Variants in NELL1 observed in about 807,000 individuals in gnomAD.
NELL1 encodes neural EGFL like 1, also known as protein kinase C-binding protein NELL1.
A neutral mutation model predicts 107.4 loss-of-function variants in NELL1; 76 were observed. The ratio of observed to expected loss-of-function variants is 0.71; its 90% CI spans 0.59 to 0.86. The LOEUF is 0.86. Among genes scored for constraint, NELL1 ranks in the 40% least tolerant of loss-of-function variants. The pLI is 0.00. For missense variants in NELL1, 1,024 were observed against 1,005.5 expected (o/e 1.02, Z -0.25); for synonymous variants, 353 against 341.2 (o/e 1.03, Z -0.38).
At chr11:21,066,300 C>T (rs535011953) in intron 12 of NELL1, among the ~76,000 whole-genome samples, 76 of 152,290 alleles carry the variant, frequency 5.0e-4, no homozygotes, top group Non-Finnish European at 8.8e-4. Flanking sequence ...GCCTTCCTCA[C>T]GTGATCATCT....
Position 21,372,312 on chromosome 11 carries a change from G to A in NELL1, c.1645+1364G>A, listed in dbSNP as rs1326028468. 2.0e-5 allele frequency among the ~76,000 whole-genome samples: 3 copies of A among 151,648 alleles called. No homozygotes were observed. The East Asian group carries it at 5.8e-4, about 30-fold the overall frequency. ...AAACAAAAACTAAAAGATTCTTACTGCTTCCTGTAGAACTGCTGTATTTCC... is the reference window on the plus strand; with the variant it reads ...AAACAAAAACTAAAAGATTCTTACTACTTCCTGTAGAACTGCTGTATTTCC... On this transcript the variant is annotated intron_variant, in intron 15 of 19. Coordinates refer to ENST00000357134, the MANE Select transcript of NELL1 (RefSeq NM_006157.5).
chr11:20,679,353 G>A (rs1443059344), intron 2 of NELL1, among the ~76,000 whole-genome samples: 1 of 152,112 alleles, frequency 6.6e-6, no homozygotes, highest in African/African-American at 2.4e-5. Context: ...TGTCTGGCAG[G>A]GTTCTTTTAA....
At chr11:21,418,378 T>C (rs1193456178) in intron 15 of NELL1, among the ~76,000 whole-genome samples, 4 of 152,236 alleles carry the variant, frequency 2.6e-5, no homozygotes, top group African/African-American at 9.6e-5. Context: ...TATCTACTGA[T>C]TTGCCTTAGT....
At chr11:21,369,942 T>A (rs542275892) in intron 14 of NELL1, among the ~76,000 whole-genome samples, 1 of 152,256 alleles carries the variant, frequency 6.6e-6, no homozygotes, top group South Asian at 2.1e-4. Flanking sequence ...GCATCTGCTA[T>A]GTGAATACAT....
chr11:21,488,689 T>C (rs950340294), intron 15 of NELL1, among the ~76,000 whole-genome samples: 1 of 152,104 alleles, frequency 6.6e-6, no homozygotes, highest in Non-Finnish European at 1.5e-5. Context: ...TAAACAACCA[T>C]TGGGTCAATG....
intron 4 of NELL1, among the ~76,000 whole-genome samples, chr11:20,858,474 C>G (rs1848921472): frequency 6.6e-6 from 1 of 152,180 alleles, no homozygotes; most frequent in Non-Finnish European, 1.5e-5. Context: ...AGCAATTTAT[C>G]AAGGTTTAAC....
rs1590373192 is a variant in NELL1, at chr11:20,878,389, G to A, written c.507-7055G>A. The stretch of plus-strand genomic sequence containing the variant: ...AAAAAAAAAAAAAAAGATGCCATTT[G>A]ATCTAATTAATTTTCAAGTTGTCGA... On this transcript the variant is annotated intron_variant, in intron 4 of 19. Transcript: ENST00000357134. Among the ~76,000 whole-genome samples the A allele has an allele frequency of 2.9e-5, 4 of 139,262 alleles. No individual in the cohort carries two copies. The South Asian group carries it at 7.6e-4, about 26-fold the overall frequency. The allele number at this position is 139,262 out of a possible 152,430, so 91.4% of individuals were successfully genotyped here. A position where few individuals can be genotyped will look rare whatever the true frequency, so the allele number is the denominator to read the frequency against.
At chr11:21,025,295 TCA>T (rs374790634) in intron 12 of NELL1, among the ~76,000 whole-genome samples, 6 of 152,000 alleles carry the variant, frequency 3.9e-5, no homozygotes, top group African/African-American at 1.4e-4. Context: ...CACTTAATTC[TCA>T]CAATTCTGTA....
intron 5 of NELL1, among the ~76,000 whole-genome samples, chr11:20,894,319 A>T (rs906552829): frequency 7.2e-5 from 11 of 152,236 alleles, no homozygotes; most frequent in African/African-American, 7.2e-5. Context: ...ATCAAAATAG[A>T]TGACTAAGAG....
At chr11:21,004,374 A>G (rs1163293875) in intron 12 of NELL1, among the ~76,000 whole-genome samples, 2 of 152,114 alleles carry the variant, frequency 1.3e-5, no homozygotes, top group Admixed American at 1.3e-4. Context: ...TTTAAATTAT[A>G]AAGTATTTTT....
intron 14 of NELL1, among the ~76,000 whole-genome samples, chr11:21,276,920 T>C (rs10833488): frequency 0.9 from 126,581 of 140,718 alleles, 56,862 homozygotes; most frequent in Non-Finnish European, 0.93. Flanking sequence ...AAGACTTAAA[T>C]GTTAGACCTA....
intron 14 of NELL1, among the ~76,000 whole-genome samples, chr11:21,299,779 C>A (rs1849454640): frequency 6.6e-6 from 1 of 151,858 alleles, no homozygotes; most frequent in African/African-American, 2.4e-5. Context: ...AGTGGCTGTC[C>A]TCTAAGAAGA....
Position 21,559,635 on chromosome 11 carries a change from T to C in NELL1, c.1787-554T>C, listed in dbSNP as rs552294227. Among the ~76,000 whole-genome samples, 11 of 152,222 alleles carry C rather than the reference T, an allele frequency of 7.2e-5. No individual in the cohort carries two copies. The South Asian group carries it at 2.3e-3, about 32-fold the overall frequency. ...GACTATAAAAGACACCTATCAAGAA[T>C]TGTTCCCACTTCCTTCAACTTTGGT... On this transcript the variant is annotated intron_variant, in intron 16 of 19. Transcript: ENST00000357134.
intron 4 of NELL1, among the ~76,000 whole-genome samples, chr11:20,885,003 G>C (rs150179124): frequency 6.6e-6 from 1 of 152,326 alleles, no homozygotes; most frequent in African/African-American, 2.4e-5. Context: ...ACCGAAGTCG[G>C]AGAATAGCAG....
At chr11:20,891,007 G>T (rs1849606094) in intron 5 of NELL1, among the ~76,000 whole-genome samples, 1 of 151,956 alleles carries the variant, frequency 6.6e-6, no homozygotes, top group Non-Finnish European at 1.5e-5. Flanking sequence ...GAAATACAAA[G>T]AACACCATTA....
In NELL1 at chr11:21,575,669, T is replaced by A. The variant is rs1857202053; in HGVS notation, c.*647T>A. 6.6e-6 allele frequency: 1 copy of A among 151,838 alleles called. No individual in the cohort carries two copies. The highest frequency in any genetic ancestry group is 1.5e-5 in the Non-Finnish European group (1 of 67,876). 9.4% of individuals were successfully genotyped at this position (151,838 alleles called of 1,614,324 possible). On this transcript the variant is annotated 3_prime_UTR_variant, in exon 20 of 20. Coordinates refer to ENST00000357134, the MANE Select transcript of NELL1 (RefSeq NM_006157.5). ...CAAAGAATAATTTTAAAGAGAATTC[T>A]TGTCTCTCTTGCAAAAATAAAAAAA...
chr11:21,400,034 C>G (rs1047306337), intron 15 of NELL1, among the ~76,000 whole-genome samples: 35 of 151,730 alleles, frequency 2.3e-4, no homozygotes, highest in African/African-American at 7.0e-4. Flanking sequence ...GTATACTATG[C>G]ATTATTGGTG....
rs542628361 is a variant in NELL1, at chr11:21,102,629, A to G, written c.1301-10960A>G. Among the ~76,000 whole-genome samples, 7 of 152,310 alleles carry G rather than the reference A, an allele frequency of 4.6e-5. No homozygotes were observed. In the East Asian group the frequency reaches 1.2e-3, roughly 25 times the overall value. ...CTGGCACTTGCAAAATGTTATACAA[A>G]TGTTACCTGTTGTTATTTTTAACAG... On this transcript the variant is annotated intron_variant, in intron 12 of 19. Transcript: ENST00000357134.
chr11:21,315,871 TGG>T, intron 14 of NELL1, among the ~76,000 whole-genome samples: 1 of 94,820 alleles, frequency 1.1e-5, no homozygotes, highest in African/African-American at 4.6e-5. Flanking sequence ...TTGGTGGTGG[TGG>T]TGGTGGTGGT....
Sources: allele counts gnomAD v4.1 joint callset (sites outside exome capture counted in the v4.1 genomes callset), GRCh38; gene constraint gnomAD v4.1.1; transcripts MANE v1.5; gene names NCBI Gene and HGNC (gene_info 2026-07-23, HGNC 2026-07-21).